Variants in ZNF813 observed in about 807,000 individuals in gnomAD.
The protein encoded by ZNF813 is zinc finger protein 813.
Under a neutral mutation model 7.2 loss-of-function variants are expected in ZNF813, and 3 were observed. The ratio of observed to expected loss-of-function variants is 0.42; its 90% CI spans 0.19 to 1.08. The LOEUF is 1.08. Ranked by LOEUF, ZNF813 falls within the 50% of genes least tolerant of loss-of-function variation. The pLI is 0.30. For synonymous variants in ZNF813, 227 were observed against 256.3 expected, an observed-to-expected ratio of 0.89 and a Z score of 1.09; for missense variants, 714 against 753.3, an observed-to-expected ratio of 0.95 and a Z score of 0.61.
intron 3 of ZNF813, among the ~76,000 whole-genome samples, chr19:53,489,124 A>G (rs1317989076): frequency 2.0e-5 from 3 of 151,940 alleles, no homozygotes; most frequent in Admixed American, 6.6e-5. Flanking sequence ...CTCCTGCCTC[A>G]GCCTTCCCGA....
At chr19:53,487,162 C>G (rs1248989358) in intron 3 of ZNF813, among the ~76,000 whole-genome samples, 3 of 151,954 alleles carry the variant, frequency 2.0e-5, no homozygotes, top group African/African-American at 7.3e-5. Flanking sequence ...GTCCTTAAGG[C>G]CAATATGAGT....
intron 3 of ZNF813, among the ~76,000 whole-genome samples, chr19:53,488,800 C>T (rs2086446216): frequency 6.6e-6 from 1 of 152,054 alleles, no homozygotes. Flanking sequence ...ACATGTATTT[C>T]AGTTCTTATA....
chr19:53,471,256 G>C (rs969354805), intron 1 of ZNF813, among the ~76,000 whole-genome samples: 21 of 152,224 alleles, frequency 1.4e-4, no homozygotes, highest in African/African-American at 5.1e-4. Flanking sequence ...GGCCCTTGGT[G>C]CACAGATCTA....
Position 53,490,532 on chromosome 19 carries a change from G to A in ZNF813, c.300G>A (p.Gln100=). 2 of 1,614,174 alleles carry A rather than the reference G, an allele frequency of 1.2e-6. No homozygotes were observed. Among genetic ancestry groups the A allele is most frequent in the South Asian group, 2.2e-5 (2 of 91,084 alleles). ...AAGATATTCATAACTTAGAGTTTCA[G>A]TGGCAAGAAGATGAAAGAAATAGCC... is the stretch of plus-strand genomic sequence containing the variant. ...IDKDIHNLEF[Q]WQEDERNSHE... is the part of the protein sequence containing the mutation. Residue 100 remains glutamine, a synonymous_variant, in exon 4 of 4, where the codon CAG becomes CAA. Coordinates refer to ENST00000396403, the MANE Select transcript of ZNF813 (RefSeq NM_001004301.4).
chr19:53,480,327 G>A, intron 1 of ZNF813: 1 of 629,734 alleles, frequency 1.6e-6, no homozygotes, highest in Admixed American at 2.0e-5. Context: ...AAGGGAATGT[G>A]AGCCCAATGC....
chr19:53,469,649 G>A (rs1346374806), intron 1 of ZNF813, among the ~76,000 whole-genome samples: 1 of 151,910 alleles, frequency 6.6e-6, no homozygotes, highest in East Asian at 1.9e-4. Context: ...GGTAGGGAGA[G>A]GGGCAGCAAA....
intron 1 of ZNF813, among the ~76,000 whole-genome samples, chr19:53,476,114 T>G (rs2086380624): frequency 6.6e-6 from 1 of 152,210 alleles, no homozygotes; most frequent in Admixed American, 6.5e-5. Flanking sequence ...TGGCTCACTA[T>G]GACACCTAGA....
intron 2 of ZNF813, among the ~76,000 whole-genome samples, chr19:53,484,919 A>C (rs1387780262): frequency 2.0e-5 from 3 of 152,206 alleles, no homozygotes; most frequent in African/African-American, 7.2e-5. Flanking sequence ...CATGATGTAT[A>C]TATTTGTTTT....
chr19:53,469,617 A>G (rs2086345893), intron 1 of ZNF813, among the ~76,000 whole-genome samples: 1 of 152,166 alleles, frequency 6.6e-6, no homozygotes, highest in Admixed American at 6.6e-5. Context: ...AGCTAGATGT[A>G]CAGAGAGATG....
At position 53,494,968 on chromosome 19, in the gene ZNF813, G is replaced by T; in HGVS notation, c.*2882G>T. The T allele has an allele frequency of 1.3e-5, 2 of 152,484 alleles. No homozygotes were observed. The highest frequency in any genetic ancestry group is 4.1e-4 in the South Asian group (2 of 4,854). 9.4% of individuals were successfully genotyped at this position (152,484 alleles called of 1,614,324 possible). A position where few individuals can be genotyped will look rare whatever the true frequency, so the allele number is the denominator to read the frequency against. ...GAGCCTGGGAGGTTGAGGCTGCAGT[G>T]AGCTATGATCATGCCACTGCATTCC... On this transcript the variant is annotated 3_prime_UTR_variant, in exon 4 of 4. Coordinates refer to ENST00000396403, the MANE Select transcript of ZNF813 (RefSeq NM_001004301.4).
chr19:53,477,189 G>A (rs180716076), intron 1 of ZNF813, among the ~76,000 whole-genome samples: 6 of 152,282 alleles, frequency 3.9e-5, no homozygotes, highest in African/African-American at 1.4e-4. Context: ...TTTACAACAT[G>A]CAAATCTTGC....
At chr19:53,484,078 A>T (rs2086421793) in intron 2 of ZNF813, among the ~76,000 whole-genome samples, 3 of 152,038 alleles carry the variant, frequency 2.0e-5, no homozygotes, top group Admixed American at 2.0e-4. Context: ...CCAGACATGG[A>T]TGGAGACGGG....
chr19:53,474,021 T>C (rs2086371334), intron 1 of ZNF813, among the ~76,000 whole-genome samples: 1 of 152,222 alleles, frequency 6.6e-6, no homozygotes, highest in Non-Finnish European at 1.5e-5. Context: ...TAACTTCTAT[T>C]TTATTTTTAG....
At chr19:53,486,987 T>TA (rs1555844165) in intron 3 of ZNF813, among the ~76,000 whole-genome samples, 69,063 of 149,180 alleles carry the variant, frequency 0.46, 16,344 homozygotes, top group Admixed American at 0.52. Flanking sequence ...TTTAGTTTTT[T>TA]TTTTTTTTTT....
rs753991647 is a variant in ZNF813, at chr19:53,491,984, T to C, written c.1752T>C (p.Cys584=). 1.2e-6 allele frequency: 2 copies of C among 1,614,080 alleles called. No individual in the cohort carries two copies. The highest frequency in any genetic ancestry group is 1.7e-6 in the Non-Finnish European group (2 of 1,179,962). Residue 584 remains cysteine (C), a synonymous_variant, in exon 4 of 4, where the codon TGT becomes TGC. Transcript: ENST00000396403. ...AGAAACCTTACAAGTGTAATGAATG[T>C]GGCAAGGTTTTTAATCAAAAAGCAA... ...TGEKPYKCNE[C]GKVFNQKANL...
intron 1 of ZNF813, among the ~76,000 whole-genome samples, chr19:53,478,750 T>C (rs2617689): frequency 0.3 from 45,959 of 151,968 alleles, 7,197 homozygotes; most frequent in East Asian, 0.42. Flanking sequence ...TGCACTGCAG[T>C]CTGGGTGGCA....
rs1200974202 is a variant in ZNF813, at chr19:53,495,774, A to G, written c.*3688A>G. The G allele has an allele frequency of 1.3e-5, 2 of 152,604 alleles. No homozygotes were observed. Among genetic ancestry groups the G allele is most frequent in the Non-Finnish European group, 2.9e-5 (2 of 68,822 alleles). The allele number at this position is 152,604 out of a possible 1,614,324, so 9.5% of individuals were successfully genotyped here. On this transcript the variant is annotated 3_prime_UTR_variant, in exon 4 of 4. Transcript: ENST00000396403. ...TGCAGTGAGCCAAGATGGGGGCAAT[A>G]AGAGCAAAACTTTGTCTCAAAAAAA...
intron 3 of ZNF813, among the ~76,000 whole-genome samples, chr19:53,487,553 G>A (rs534809715): frequency 2.0e-5 from 3 of 152,112 alleles, no homozygotes; most frequent in South Asian, 2.1e-4. Context: ...ATCCCAGCAC[G>A]TAGAGAGGCC....
At chr19:53,479,994 T>G (rs1420896973) in intron 1 of ZNF813, 1 of 763,080 alleles carries the variant, frequency 1.3e-6, no homozygotes, top group African/African-American at 1.7e-5. Context: ...GAAAAGACAA[T>G]TGATGACTTG....
Sources: allele counts gnomAD v4.1 joint callset (sites outside exome capture counted in the v4.1 genomes callset), GRCh38; gene constraint gnomAD v4.1.1; transcripts MANE v1.5; gene names NCBI Gene and HGNC (gene_info 2026-07-23, HGNC 2026-07-21).